The following CNTN4 variants were observed in gnomAD, a reference collection of about 807,000 sequenced individuals.
The protein encoded by CNTN4 is contactin-4.
A neutral mutation model predicts 122.5 loss-of-function variants in CNTN4; 77 were observed. That is an observed-to-expected ratio of 0.63 (90% confidence interval 0.52 to 0.76). The LOEUF is 0.76. Ranked by LOEUF, CNTN4 falls within the 30% of genes least tolerant of loss-of-function variation. The pLI is 0.00. For synonymous variants in CNTN4, 512 were observed against 447.0 expected, an observed-to-expected ratio of 1.15 and a Z score of -1.83; for missense variants, 1,256 against 1,259.1, an observed-to-expected ratio of 1.00 and a Z score of 0.04.
At chr3:2,915,534 A>G in intron 12 of CNTN4, among the ~76,000 whole-genome samples, 1 of 152,172 alleles carries the variant, frequency 6.6e-6, no homozygotes, top group Non-Finnish European at 1.5e-5. Flanking sequence ...CTAGGACTTA[A>G]TACTAGGTTA....
intron 4 of CNTN4, among the ~76,000 whole-genome samples, chr3:2,721,492 T>A (rs941020519): frequency 6.6e-6 from 1 of 152,160 alleles, no homozygotes; most frequent in Non-Finnish European, 1.5e-5. Flanking sequence ...ACACATGATA[T>A]ACTGATGCCA....
chr3:2,178,135 C>T (rs1158032595), intron 2 of CNTN4, among the ~76,000 whole-genome samples: 2 of 151,474 alleles, frequency 1.3e-5, no homozygotes, highest in African/African-American at 2.4e-5. Context: ...TTTCATGCTG[C>T]CTGGTGTTGA....
chr3:2,460,190 A>G (rs1206049759), intron 3 of CNTN4, among the ~76,000 whole-genome samples: 1 of 152,078 alleles, frequency 6.6e-6, no homozygotes, highest in African/African-American at 2.4e-5. Flanking sequence ...TGTATAGTTT[A>G]TCACCACGGT....
intron 3 of CNTN4, among the ~76,000 whole-genome samples, chr3:2,517,944 T>C (rs907365407): frequency 3.9e-5 from 6 of 152,190 alleles, no homozygotes; most frequent in African/African-American, 1.4e-4. Flanking sequence ...TCCAGCTGTC[T>C]GGCTTTGTGC....
intron 2 of CNTN4, among the ~76,000 whole-genome samples, chr3:2,260,886 C>G (rs894709531): frequency 2.0e-5 from 3 of 151,734 alleles, no homozygotes; most frequent in African/African-American, 7.3e-5. Context: ...CACCGCCACG[C>G]TTGGCTAAAT....
intron 2 of CNTN4, among the ~76,000 whole-genome samples, chr3:2,155,729 A>G (rs1318675474): frequency 2.6e-5 from 4 of 152,090 alleles, no homozygotes; most frequent in African/African-American, 9.7e-5. Flanking sequence ...GTGAAACCAC[A>G]TTGGTCTTCG....
intron 3 of CNTN4, among the ~76,000 whole-genome samples, chr3:2,439,953 G>T (rs1446141717): frequency 3.3e-5 from 5 of 152,048 alleles, no homozygotes; most frequent in Non-Finnish European, 7.4e-5. Context: ...TTTAGTTTTA[G>T]CCTTAGGAGT....
At chr3:2,258,258 A>G (rs1264723439) in intron 2 of CNTN4, among the ~76,000 whole-genome samples, 1 of 152,176 alleles carries the variant, frequency 6.6e-6, no homozygotes, top group Non-Finnish European at 1.5e-5. Flanking sequence ...TACCCAAAGC[A>G]TTATAAATCA....
chr3:2,780,234 G>C (rs1559495464), intron 6 of CNTN4, among the ~76,000 whole-genome samples: 1 of 152,184 alleles, frequency 6.6e-6, no homozygotes, highest in African/African-American at 2.4e-5. Flanking sequence ...GCTGTAGTAA[G>C]CACCACAGTT....
At chr3:2,833,287 C>G (rs1195710766) in intron 7 of CNTN4, among the ~76,000 whole-genome samples, 1 of 152,204 alleles carries the variant, frequency 6.6e-6, no homozygotes, top group African/African-American at 2.4e-5. Context: ...ATATTAAAAT[C>G]TGCAATGCAG....
chr3:2,504,954 C>G (rs1011516293), intron 3 of CNTN4, among the ~76,000 whole-genome samples: 4 of 152,222 alleles, frequency 2.6e-5, no homozygotes, highest in African/African-American at 9.6e-5. Context: ...TTGATTAGAT[C>G]TTGGGTCACA....
At chr3:2,548,098 C>T (rs1005464414) in intron 3 of CNTN4, among the ~76,000 whole-genome samples, 8 of 151,930 alleles carry the variant, frequency 5.3e-5, no homozygotes, top group African/African-American at 1.4e-4. Context: ...GGATAGATTG[C>T]AAAAAATTTT....
At chr3:2,363,355 T>C (rs1174702021) in intron 3 of CNTN4, among the ~76,000 whole-genome samples, 1 of 152,194 alleles carries the variant, frequency 6.6e-6, no homozygotes, top group East Asian at 1.9e-4. Flanking sequence ...TTCATAAAGA[T>C]TAGAAAACCA....
At chr3:2,723,748 T>C (rs1336404032) in intron 4 of CNTN4, among the ~76,000 whole-genome samples, 1 of 152,182 alleles carries the variant, frequency 6.6e-6, no homozygotes, top group East Asian at 1.9e-4. Context: ...ATTCAAACCA[T>C]AGTGCTCAGC....
At chr3:2,526,881 G>T (rs552634154) in intron 3 of CNTN4, among the ~76,000 whole-genome samples, 1 of 152,228 alleles carries the variant, frequency 6.6e-6, no homozygotes, top group South Asian at 2.1e-4. Context: ...CAGCATATGT[G>T]CAATGAGAAC....
intron 2 of CNTN4, among the ~76,000 whole-genome samples, chr3:2,172,575 G>A (rs1011228176): frequency 6.6e-6 from 1 of 152,134 alleles, no homozygotes; most frequent in Non-Finnish European, 1.5e-5. Flanking sequence ...AAAGAAAACT[G>A]GTGGCAAGTA....
At chr3:2,195,627 A>G (rs1398556554) in intron 2 of CNTN4, among the ~76,000 whole-genome samples, 1 of 152,234 alleles carries the variant, frequency 6.6e-6, no homozygotes, top group Non-Finnish European at 1.5e-5. Flanking sequence ...ACACAGGAAG[A>G]GAAATATTCA....
intron 5 of CNTN4, among the ~76,000 whole-genome samples, chr3:2,740,035 T>C (rs1393740799): frequency 6.6e-6 from 1 of 152,140 alleles, no homozygotes; most frequent in African/African-American, 2.4e-5. Flanking sequence ...AGTACCTTTT[T>C]TTTTCCCCCA....
At chr3:2,956,868 A>C (rs2094805003) in intron 13 of CNTN4, among the ~76,000 whole-genome samples, 1 of 152,122 alleles carries the variant, frequency 6.6e-6, no homozygotes, top group Non-Finnish European at 1.5e-5. Context: ...TTTAGATTTC[A>C]CATGTAAGTG....
Sources: allele counts gnomAD v4.1 joint callset (sites outside exome capture counted in the v4.1 genomes callset), GRCh38; gene constraint gnomAD v4.1.1; transcripts MANE v1.5; gene names NCBI Gene and HGNC (gene_info 2026-07-23, HGNC 2026-07-21).